Variants in TMEM150A observed in about 807,000 individuals in gnomAD.
TMEM150A encodes the protein fasting-inducible integral membrane protein TM6P1.
In TMEM150A, 18 loss-of-function variants were observed where a neutral mutation model predicts 29.8. That is an observed-to-expected ratio of 0.60 (90% CI 0.42 to 0.90). The LOEUF (loss-of-function observed/expected upper bound fraction) is 0.90. TMEM150A is among the 40% of genes least tolerant of loss of function. The probability of loss-of-function intolerance (pLI) is 0.00; values close to 1 mark genes in which losing one functional copy is unlikely to be tolerated. For synonymous variants in TMEM150A, 127 were observed against 143.6 expected (o/e 0.88, Z 0.83); for missense variants, 251 against 349.7 (o/e 0.72, Z 2.25).
In TMEM150A at chr2:85,599,378, G is replaced by A; in HGVS notation, c.575-61C>T. ...ACGGAAACCTGGCAACACCCCTTCT[G>A]CAGTCTCAGGCCTCACCTCTCCAAA... On this transcript the variant is annotated intron_variant, in intron 7 of 7. Transcript: ENST00000334462. This position sits in a 1 kb window ranked among gnomAD's most constrained non-coding sequence, Gnocchi z 6.0. 1 of 1,600,332 alleles carries A rather than the reference G, an allele frequency of 6.2e-7. No individual in the cohort carries two copies. Among genetic ancestry groups the A allele is most frequent in the South Asian group, 1.1e-5 (1 of 89,372 alleles).
intron 4 of TMEM150A, 86 bp downstream of exon 4, chr2:85,600,934 TC>T: frequency 7.8e-7 from 1 of 1,281,700 alleles, no homozygotes; most frequent in Non-Finnish European, 1.1e-6. Flanking sequence ...TACTTATTGT[TC>T]CTGAGACCCA....
intron 4 of TMEM150A, 153 bp downstream of exon 4, chr2:85,600,868 G>A (rs926440107): frequency 9.2e-6 from 6 of 655,558 alleles, no homozygotes; most frequent in Admixed American, 9.1e-5. Context: ...GCACTCAGCA[G>A]AGTGCCTGCC....
chr2:85,601,044 G>A lies in TMEM150A; in HGVS notation c.177C>T (p.Thr59=). 2 of 1,612,606 alleles carry A rather than the reference G, an allele frequency of 1.2e-6. No individual in the cohort carries two copies. The highest frequency in any genetic ancestry group is 1.7e-6 in the Non-Finnish European group (2 of 1,179,504). Residue 59 remains threonine (T), a synonymous_variant, in exon 4 of 8, where the codon ACC becomes ACT. Transcript: ENST00000334462. The surrounding 1 kb of genome is among the most constrained non-coding windows in gnomAD (Gnocchi z 4.0). ...ACCTGATGAGGGGGACATCGTCCAGGGTGCAGCAGGTCTTGGGACCCCCTT... is the reference window on the plus strand; with the variant it reads ...ACCTGATGAGGGGGACATCGTCCAGAGTGCAGCAGGTCTTGGGACCCCCTT... ...AEQGGPKTCC[T]LDDVPLISKC... is the part of the protein sequence containing the mutation.
In TMEM150A at chr2:85,601,154, G is replaced by C; in HGVS notation, c.114-47C>G. 1 of 1,584,772 alleles carries C rather than the reference G, an allele frequency of 6.3e-7. No homozygotes were observed. Among genetic ancestry groups the C allele is most frequent in the Non-Finnish European group, 8.6e-7 (1 of 1,160,856 alleles). On this transcript the variant is annotated intron_variant, in intron 3 of 7. Transcript: ENST00000334462. The surrounding 1 kb of genome is among the most constrained non-coding windows in gnomAD (Gnocchi z 4.0). ...AGACTGGGGGAAGGGACTGCCCCCA[G>C]GCCCTTGGCCTATAGCCTCAGGCCT...
rs1472692337 is a variant in TMEM150A at position 85,601,845 on chromosome 2, C to G, written c.65+39G>C. The stretch of plus-strand genomic sequence containing the variant: ...GGACAAGAGACTTTGTGTGCGTCAT[C>G]AAGCTCCTGTTGCCCCCCGGGCACC... On this transcript the variant is annotated intron_variant, in intron 2 of 7. Coordinates refer to ENST00000334462, the MANE Select transcript of TMEM150A (RefSeq NM_001031738.3). This position sits in a 1 kb window ranked among gnomAD's most constrained non-coding sequence, Gnocchi z 4.0. 1 of 1,608,832 alleles carries G rather than the reference C, an allele frequency of 6.2e-7. No homozygotes were observed. Among genetic ancestry groups the G allele is most frequent in the East Asian group, 2.2e-5 (1 of 44,818 alleles).
intron 4 of TMEM150A, 90 bp downstream of exon 4, chr2:85,600,931 T>C: frequency 8.2e-7 from 1 of 1,223,584 alleles, no homozygotes; most frequent in South Asian, 1.4e-5. Context: ...GGATACTTAT[T>C]GTTCCTGAGA....
In TMEM150A at chr2:85,601,410, A is replaced by C; in HGVS notation, c.113+25T>G. 5 of 1,613,712 alleles carry C rather than the reference A, an allele frequency of 3.1e-6. No homozygotes were observed. The highest frequency in any genetic ancestry group is 4.2e-6 in the Non-Finnish European group (5 of 1,179,804). ...CAGAGATGAAGGAAGCTTTAGAGCA[A>C]GGTTGTCTGCAGAGTCCTTCATACC... On this transcript the variant is annotated intron_variant, in intron 3 of 7. Transcript: ENST00000334462. This position sits in a 1 kb window ranked among gnomAD's most constrained non-coding sequence, Gnocchi z 4.0.
Position 85,601,088 on chromosome 2 carries a change from G to T in TMEM150A, c.133C>A (p.Pro45Thr). ...CCCCCTTGCTCAGCAGGGTCAGGAG[G>T]GCAGGACTCGTTGTAGGACCTGGCA... Reference protein sequence around the residue: ...VENWSYNESCPPDPAEQGGPK... With the variant: ...VENWSYNESCTPDPAEQGGPK... The change falls in exon 4 of 8, where the codon CCT becomes ACT. Residue 45 changes from proline (P) to threonine (T), a missense_variant. Physicochemically the swap from Pro to Thr is conservative, Grantham distance 38. Coordinates refer to ENST00000334462, the MANE Select transcript of TMEM150A (RefSeq NM_001031738.3). This position sits in a 1 kb window ranked among gnomAD's most constrained non-coding sequence, Gnocchi z 4.0. 2 of 1,612,814 alleles carry T rather than the reference G, an allele frequency of 1.2e-6. No individual in the cohort carries two copies. The highest frequency in any genetic ancestry group is 1.7e-6 in the Non-Finnish European group (2 of 1,179,602).
chr2:85,600,442 G>C (rs750872354), intron 4 of TMEM150A, 30 bp from the exon 5 acceptor site: 4 of 1,608,328 alleles, frequency 2.5e-6, no homozygotes, highest in Non-Finnish European at 3.4e-6. Context: ...CAGAGTAAGA[G>C]GGGTGCAGGA....
chr2:85,599,118 G>A lies in TMEM150A; in HGVS notation c.774C>T (p.Ser258=). 4.3e-6 allele frequency: 7 copies of A among 1,613,842 alleles called. No homozygotes were observed. The highest frequency in any genetic ancestry group is 5.1e-6 in the Non-Finnish European group (6 of 1,180,014). The change falls in exon 8 of 8, where the codon TCC becomes TCT. Residue 258 remains serine (S), a synonymous_variant. Coordinates refer to ENST00000334462, the MANE Select transcript of TMEM150A (RefSeq NM_001031738.3). This position sits in a 1 kb window ranked among gnomAD's most constrained non-coding sequence, Gnocchi z 6.0. ...ACKSSGSSST[S]THLNCAPESI... ...TCTCGGGGGCACAGTTGAGGTGGGTGGAGGTGCTGCTGCTCCCGGAGGACT... is the reference window on the plus strand; with the variant it reads ...TCTCGGGGGCACAGTTGAGGTGGGTAGAGGTGCTGCTGCTCCCGGAGGACT...
chr2:85,602,382 G>A lies in TMEM150A; in HGVS notation c.-117+225C>T, dbSNP rs1488070294. ...AGAGGCTGGGTGCCGGCCCAGTGGA[G>A]CGGTGGCGAGTCGGCGGCGCGCAGG... is the stretch of plus-strand genomic sequence containing the variant. On this transcript the variant is annotated intron_variant, in intron 1 of 7. Coordinates refer to ENST00000334462, the MANE Select transcript of TMEM150A (RefSeq NM_001031738.3). The surrounding 1 kb of genome is among the most constrained non-coding windows in gnomAD (Gnocchi z 5.6). 3 of 153,424 alleles carry A rather than the reference G, an allele frequency of 2.0e-5. No individual in the cohort carries two copies. Among genetic ancestry groups the A allele is most frequent in the African/African-American group, 4.8e-5 (2 of 41,504 alleles). 9.5% of individuals were successfully genotyped at this position (153,424 alleles called of 1,614,324 possible).
rs775731112 is a variant in TMEM150A, at chr2:85,601,517, C to T, written c.66-35G>A. The T allele has an allele frequency of 1.0e-5, 16 of 1,604,298 alleles. No homozygotes were observed. In the East Asian group the frequency reaches 3.6e-4, roughly 36 times the overall value. Reference sequence around the variant, plus strand: ...CAGAACTGTCACCCTGGCAGCCTTCCCGAGCCCCACTCAACCCACCCCATG... The same window carrying T: ...CAGAACTGTCACCCTGGCAGCCTTCTCGAGCCCCACTCAACCCACCCCATG... On this transcript the variant is annotated intron_variant, in intron 2 of 7. Transcript: ENST00000334462. This position sits in a 1 kb window ranked among gnomAD's most constrained non-coding sequence, Gnocchi z 4.0.
In TMEM150A at chr2:85,599,305, A is replaced by G; in HGVS notation, c.587T>C (p.Phe196Ser). Reference sequence around the variant, plus strand: ...TTGCAGCTGAGAACTCTCATGGACAAAGAAGACTCCACCTAAAACGAGGCT... The same window carrying G: ...TTGCAGCTGAGAACTCTCATGGACAGAGAAGACTCCACCTAAAACGAGGCT... ...FITLVLSGVF[F>S]VHESSQLQHG... The change falls in exon 8 of 8, where the codon TTT (phenylalanine) becomes TCT (serine). Residue 196 changes from phenylalanine to serine, a missense_variant. Transcript: ENST00000334462. This position sits in a 1 kb window ranked among gnomAD's most constrained non-coding sequence, Gnocchi z 6.0. 5 of 1,613,988 alleles carry G rather than the reference A, an allele frequency of 3.1e-6. No homozygotes were observed. Among genetic ancestry groups the G allele is most frequent in the Non-Finnish European group, 3.4e-6 (4 of 1,179,944 alleles).
rs2104081642 is a variant in TMEM150A, at chr2:85,599,484, C to G, written c.574+41G>C. 3 of 1,583,410 alleles carry G rather than the reference C, an allele frequency of 1.9e-6. 1 individual carries two copies. The Middle Eastern group carries it at 5.1e-4, about 269-fold the overall frequency. On this transcript the variant is annotated intron_variant, in intron 7 of 7. Coordinates refer to ENST00000334462, the MANE Select transcript of TMEM150A (RefSeq NM_001031738.3). This position sits in a 1 kb window ranked among gnomAD's most constrained non-coding sequence, Gnocchi z 6.0. ...CCTCTTGGGAGGGAGAAAGGTTGAG[C>G]TAGAGGATGAGTTCCTGGCTGCCCC... is the stretch of plus-strand genomic sequence containing the variant.
At chr2:85,600,464 C>G (rs773371648) in intron 4 of TMEM150A, 52 bp from the exon 5 acceptor site, 39 of 1,478,300 alleles carry the variant, frequency 2.6e-5, no homozygotes, top group Admixed American at 3.4e-5. Context: ...GCCCGGGGGG[C>G]CCCCATTTTG....
rs1369989762 is a variant in TMEM150A, at chr2:85,601,957, G to A, written c.-9C>T. On this transcript the variant is annotated 5_prime_UTR_variant, in exon 2 of 8. Coordinates refer to ENST00000334462, the MANE Select transcript of TMEM150A (RefSeq NM_001031738.3). The surrounding 1 kb of genome is among the most constrained non-coding windows in gnomAD (Gnocchi z 4.0). ...AGGATCCAGGCGGTCATGAGGGAGG[G>A]GAGCCAGGGTGGTGGTGGTGTTGGG... 5.6e-6 allele frequency: 9 copies of A among 1,614,038 alleles called. No individual in the cohort carries two copies. Among genetic ancestry groups the A allele is most frequent in the Non-Finnish European group, 7.6e-6 (9 of 1,179,918 alleles).
rs1391982884 is a variant in TMEM150A, at chr2:85,599,718, G to A, written c.397-16C>T. 1 of 1,609,118 alleles carries A rather than the reference G, an allele frequency of 6.2e-7. No homozygotes were observed. Among genetic ancestry groups the A allele is most frequent in the East Asian group, 2.2e-5 (1 of 44,826 alleles). ...CATGATCCACCTGGGCCCAGAGAAG[G>A]GCCAGTTGGTGATGTGGCCATGGCC... On this transcript the variant is annotated splice_polypyrimidine_tract_variant and intron_variant, in intron 6 of 7. Transcript: ENST00000334462. The surrounding 1 kb of genome is among the most constrained non-coding windows in gnomAD (Gnocchi z 6.0).
At chr2:85,601,000 G>C in intron 4 of TMEM150A, 21 bp downstream of exon 4, 1 of 1,608,760 alleles carries the variant, frequency 6.2e-7, no homozygotes, top group Non-Finnish European at 8.5e-7. Flanking sequence ...CTCCCTGACC[G>C]GCCCAATGTC....
Position 85,599,869 on chromosome 2 carries a change from T to C in TMEM150A, c.396+22A>G. ...GCCTTGTTAGGTAAAGTTTAAGGTT[T>C]GCAGGGGAGAAGGGGAAGCACCTGA... On this transcript the variant is annotated intron_variant, in intron 6 of 7. Transcript: ENST00000334462. The surrounding 1 kb of genome is among the most constrained non-coding windows in gnomAD (Gnocchi z 6.0). 1.2e-6 allele frequency: 2 copies of C among 1,612,932 alleles called. No individual in the cohort carries two copies. Among genetic ancestry groups the C allele is most frequent in the Non-Finnish European group, 8.5e-7 (1 of 1,179,978 alleles).
Sources: allele counts gnomAD v4.1 joint callset, GRCh38; gene constraint gnomAD v4.1.1; non-coding constraint Gnocchi (gnomAD v3.1); transcripts MANE v1.5; gene names NCBI Gene and HGNC (gene_info 2026-07-23, HGNC 2026-07-21).